The following CD96 variants were observed in gnomAD, a reference collection of about 807,000 sequenced individuals.
CD96 encodes T-cell surface protein tactile.
In CD96, 70 loss-of-function variants were observed where a neutral mutation model predicts 71.3. The observed-to-expected ratio is 0.98, with a 90% CI of 0.81 to 1.20. CD96 has a LOEUF of 1.20. Ranked by LOEUF, CD96 falls within the 50% of genes most tolerant of loss-of-function variation. CD96 has a pLI of 0.00. For synonymous variants in CD96, 248 were observed against 233.0 expected (o/e 1.06, Z -0.59); for missense variants, 742 against 677.5 (o/e 1.10, Z -1.06).
chr3:111,589,152 G>A (rs1018632665), intron 5 of CD96, among the ~76,000 whole-genome samples: 29 of 151,670 alleles, frequency 1.9e-4, no homozygotes, highest in African/African-American at 6.5e-4. Context: ...GGGTTTCACC[G>A]TGTTAGCCAG....
chr3:111,612,663 G>C (rs940147406), intron 8 of CD96, among the ~76,000 whole-genome samples: 1 of 152,178 alleles, frequency 6.6e-6, no homozygotes, highest in South Asian at 2.1e-4. Flanking sequence ...AGCCCAGACA[G>C]ACTTCAGACC....
intron 2 of CD96, among the ~76,000 whole-genome samples, chr3:111,552,118 T>G (rs574886887): frequency 2.6e-5 from 4 of 152,322 alleles, no homozygotes; most frequent in South Asian, 2.1e-4. Flanking sequence ...TCTATTCATG[T>G]CCTGTGCCCA....
rs540654126 is a variant in CD96, at chr3:111,553,562, T to C, written c.418+8160T>C. Reference sequence around the variant, plus strand: ...CCTACATCCATTAAATCATTATGATTTGCCGAATAGAAATATTCTATCATT... The same window carrying C: ...CCTACATCCATTAAATCATTATGATCTGCCGAATAGAAATATTCTATCATT... On this transcript the variant is annotated intron_variant, in intron 2 of 13. Transcript: ENST00000352690. Among the ~76,000 whole-genome samples, 84 of 151,980 alleles carry C rather than the reference T, an allele frequency of 5.5e-4. 1 individual carries two copies. Among genetic ancestry groups the C allele is most frequent in the African/African-American group, 2.0e-3 (82 of 41,526 alleles).
chr3:111,655,684 A>T (rs1014532034), downstream of CD96, among the ~76,000 whole-genome samples: 12 of 152,114 alleles, frequency 7.9e-5, no homozygotes, highest in Admixed American at 7.2e-4. Context: ...CCATATAAAT[A>T]GAACTAAGGA....
At chr3:111,565,167 A>G (rs2107540551) in intron 2 of CD96, among the ~76,000 whole-genome samples, 1 of 152,268 alleles carries the variant, frequency 6.6e-6, no homozygotes, top group African/African-American at 2.4e-5. Context: ...GGGAGGTGGT[A>G]TGGGTTCTCT....
At chr3:111,660,680 C>T (rs111703622) in intron 14 of CD96, among the ~76,000 whole-genome samples, 32 of 152,176 alleles carry the variant, frequency 2.1e-4, no homozygotes, top group Non-Finnish European at 1.9e-4. Context: ...CACATAAACC[C>T]GTGCAACAGA....
At chr3:111,577,050 C>T (rs983339420) in intron 3 of CD96, among the ~76,000 whole-genome samples, 3 of 152,080 alleles carry the variant, frequency 2.0e-5, no homozygotes, top group African/African-American at 7.2e-5. Context: ...GTCAACTGCC[C>T]AGGGGAAAAA....
chr3:111,561,543 A>C (rs1221310250), intron 2 of CD96, among the ~76,000 whole-genome samples: 2 of 148,192 alleles, frequency 1.3e-5, no homozygotes, highest in Non-Finnish European at 3.0e-5. Flanking sequence ...TCAGGGACCC[A>C]CTTGAGGAGG....
chr3:111,647,474 T>C, intron 12 of CD96, 69 bp from the exon 13 acceptor site: 1 of 1,396,774 alleles, frequency 7.2e-7, no homozygotes, highest in African/African-American at 1.4e-5. Context: ...GTAGGAAAAA[T>C]GGTTTAATCC....
At chr3:111,638,300 TA>T in intron 12 of CD96, 132 bp downstream of exon 12, 1 of 728,612 alleles carries the variant, frequency 1.4e-6, no homozygotes, top group Non-Finnish European at 2.5e-6. Flanking sequence ...TTTTGAAGAT[TA>T]TAATCTATTA....
chr3:111,646,313 T>C (rs947244754), intron 12 of CD96, among the ~76,000 whole-genome samples: 2 of 152,116 alleles, frequency 1.3e-5, no homozygotes, highest in South Asian at 2.1e-4. Flanking sequence ...TGTGGTGATA[T>C]GGAAAGTATT....
Position 111,561,871 on chromosome 3 carries a change from C to T in CD96, c.419-5652C>T, listed in dbSNP as rs575200113. Among the ~76,000 whole-genome samples, 375 of 151,100 alleles carry T rather than the reference C, an allele frequency of 2.5e-3. 4 individuals carry two copies. Among genetic ancestry groups the T allele is most frequent in the African/African-American group, 8.5e-3 (350 of 41,134 alleles). On this transcript the variant is annotated intron_variant, in intron 2 of 13. Coordinates refer to ENST00000352690, the MANE Select transcript of CD96 (RefSeq NM_005816.5). ...CTAGCAATCAGCGAGATTCCGTGGG[C>T]GTAGGACCCTCCGAGCCAGGTGTGG...
At position 111,624,387 on chromosome 3, in the gene CD96, G is replaced by A; in HGVS notation, c.1304G>A (p.Gly435Glu). 2 of 1,607,480 alleles carry A rather than the reference G, an allele frequency of 1.2e-6. No homozygotes were observed. The highest frequency in any genetic ancestry group is 2.2e-5 in the South Asian group (2 of 90,964). ...TTCAACTATCCCTGGACCTCCAGTG[G>A]GACAGATACCAAAAAATGTTAAGTA... ...RGFNYPWTSS[G>E]TDTKKSVSRI... Residue 435 changes from glycine (G) to glutamate (E), a missense_variant, in exon 10 of 14, where the codon GGG becomes GAG. By Grantham distance (98) the Gly-to-Glu change is moderately conservative. Transcript: ENST00000352690.
chr3:111,567,726 A>G, intron 3 of CD96, 79 bp downstream of exon 3: 1 of 1,262,100 alleles, frequency 7.9e-7, no homozygotes, highest in Non-Finnish European at 1.2e-6. Flanking sequence ...CAGTAATAAT[A>G]GGGAAGGAAG....
intron 5 of CD96, among the ~76,000 whole-genome samples, chr3:111,596,575 A>G (rs1937271556): frequency 6.6e-6 from 1 of 152,212 alleles, no homozygotes; most frequent in African/African-American, 2.4e-5. Flanking sequence ...GAGAAAGGAA[A>G]TGAATCATAA....
intron 8 of CD96, among the ~76,000 whole-genome samples, chr3:111,620,155 G>T (rs1452362092): frequency 5.3e-5 from 8 of 152,052 alleles, no homozygotes; most frequent in Non-Finnish European, 7.4e-5. Context: ...TAAATTCCTT[G>T]GGAAAGCTTT....
At chr3:111,656,775 T>C (rs780488464), downstream of CD96, among the ~76,000 whole-genome samples, 3 of 152,180 alleles carry the variant, frequency 2.0e-5, no homozygotes. Flanking sequence ...TGTAATATGC[T>C]ACCTTTGTGT....
chr3:111,554,938 A>G lies in CD96; in HGVS notation c.418+9536A>G, dbSNP rs191732418. 1.2e-4 allele frequency among the ~76,000 whole-genome samples: 19 copies of G among 152,112 alleles called. No individual in the cohort carries two copies. The East Asian group carries it at 3.3e-3, about 26-fold the overall frequency. On this transcript the variant is annotated intron_variant, in intron 2 of 13. Transcript: ENST00000352690. ...CATCAGGCATTAGATTCTCATAAGG[A>G]GCACACAACCTAGATCCCTCAAATG...
intron 3 of CD96, among the ~76,000 whole-genome samples, chr3:111,573,873 T>C (rs1165034856): frequency 6.6e-6 from 1 of 152,234 alleles, no homozygotes; most frequent in Non-Finnish European, 1.5e-5. Context: ...TCTTACCTGA[T>C]GGCAGCTGAT....
Sources: allele counts gnomAD v4.1 joint callset (sites outside exome capture counted in the v4.1 genomes callset), GRCh38; gene constraint gnomAD v4.1.1; transcripts MANE v1.5; gene names NCBI Gene and HGNC (gene_info 2026-07-23, HGNC 2026-07-21).